The following ANO3 variants were observed in gnomAD, a reference collection of about 807,000 sequenced individuals.
The protein encoded by ANO3 is anoctamin 3.
A neutral mutation model predicts 144.8 loss-of-function variants in ANO3; 99 were observed. The ratio of observed to expected loss-of-function variants is 0.68; its 90% CI spans 0.58 to 0.81. The LOEUF (loss-of-function observed/expected upper bound fraction) is 0.81, where lower values mean the gene tolerates loss of function less well. ANO3 is among the 30% of genes least tolerant of loss of function. The pLI, the probability that ANO3 is intolerant of heterozygous loss-of-function variation, is 0.00. For missense variants in ANO3, 905 were observed against 1,202.2 expected (o/e 0.75, Z 3.66); for synonymous variants, 414 against 392.6 (o/e 1.05, Z -0.64).
chr11:26,655,220 C>CATCAG, intron 24 of ANO3, among the ~76,000 whole-genome samples: 1 of 152,270 alleles, frequency 6.6e-6, no homozygotes, highest in South Asian at 2.1e-4. Context: ...GGCTTCTGTA[C>CATCAG]CTTCCCATCT....
intron 1 of ANO3, among the ~76,000 whole-genome samples, chr11:26,251,700 G>A (rs1041097461): frequency 1.3e-5 from 2 of 152,158 alleles, no homozygotes; most frequent in African/African-American, 4.8e-5. Flanking sequence ...TGGCTGGGGA[G>A]GCCTCAGGAA....
chr11:26,376,259 T>A (rs1173795877), intron 1 of ANO3, among the ~76,000 whole-genome samples: 2 of 152,146 alleles, frequency 1.3e-5, no homozygotes, highest in Non-Finnish European at 2.9e-5. Flanking sequence ...CTTTATGAAG[T>A]TGCTTTTAGT....
At chr11:26,384,679 A>G (rs1409658837) in intron 1 of ANO3, among the ~76,000 whole-genome samples, 1 of 152,186 alleles carries the variant, frequency 6.6e-6, no homozygotes. Context: ...CCTGTAATAT[A>G]ATGATATTGT....
chr11:26,211,671 G>C (rs766094177), intron 1 of ANO3, among the ~76,000 whole-genome samples: 10 of 152,138 alleles, frequency 6.6e-5, no homozygotes, highest in Non-Finnish European at 1.3e-4. Context: ...CAAGGATCTA[G>C]AACTAGAAAT....
At chr11:26,515,910 AACCTC>A (rs978059634) in intron 5 of ANO3, among the ~76,000 whole-genome samples, 2 of 151,980 alleles carry the variant, frequency 1.3e-5, no homozygotes, top group Admixed American at 6.6e-5. Context: ...ATGCTCTATG[AACCTC>A]AGATATTGTA....
intron 4 of ANO3, among the ~76,000 whole-genome samples, chr11:26,495,919 A>T (rs1860919236): frequency 6.6e-6 from 1 of 152,182 alleles, no homozygotes. Context: ...AATTTTCCTA[A>T]TTTCCATGTG....
chr11:26,194,282 G>A (rs1341995679), intron 1 of ANO3, among the ~76,000 whole-genome samples: 1 of 152,130 alleles, frequency 6.6e-6, no homozygotes, highest in Non-Finnish European at 1.5e-5. Flanking sequence ...ATCTGACAGT[G>A]TGTATAAAAT....
At chr11:26,536,822 A>C (rs2134195489) in intron 9 of ANO3, among the ~76,000 whole-genome samples, 1 of 152,200 alleles carries the variant, frequency 6.6e-6, no homozygotes, top group East Asian at 1.9e-4. Flanking sequence ...TACTGATATA[A>C]ATAATATTGC....
At chr11:26,328,474 A>G (rs1854948041), upstream of ANO3, among the ~76,000 whole-genome samples, 1 of 152,222 alleles carries the variant, frequency 6.6e-6, no homozygotes, top group Non-Finnish European at 1.5e-5. Context: ...CCAAAGAGGC[A>G]GAAACAGGAC....
intron 1 of ANO3, among the ~76,000 whole-genome samples, chr11:26,374,255 C>T (rs1416893858): frequency 6.6e-6 from 1 of 152,154 alleles, no homozygotes; most frequent in Non-Finnish European, 1.5e-5. Flanking sequence ...ATTTATGCAT[C>T]AAATATTATT....
intron 9 of ANO3, 83 bp from the exon 10 acceptor site, chr11:26,537,323 T>C: frequency 9.1e-7 from 1 of 1,101,208 alleles, no homozygotes; most frequent in Non-Finnish European, 1.4e-6. Flanking sequence ...AATCGATTCA[T>C]TGTTCCCCGT....
At chr11:26,315,069 A>G (rs1441744357) in intron 1 of ANO3, among the ~76,000 whole-genome samples, 2 of 151,546 alleles carry the variant, frequency 1.3e-5, no homozygotes, top group African/African-American at 4.8e-5. Flanking sequence ...TCTTTCCATA[A>G]ATCCTAGGTA....
At chr11:26,585,348 TC>T (rs1288252455) in intron 14 of ANO3, among the ~76,000 whole-genome samples, 1 of 152,148 alleles carries the variant, frequency 6.6e-6, no homozygotes, top group Non-Finnish European at 1.5e-5. Context: ...ATATAAGCCT[TC>T]CCCATACCTA....
upstream of ANO3, among the ~76,000 whole-genome samples, chr11:26,330,984 C>T (rs1855023244): frequency 6.6e-6 from 1 of 152,166 alleles, no homozygotes; most frequent in South Asian, 2.1e-4. Flanking sequence ...CTTACATCTT[C>T]CAGGAAGAAC....
chr11:26,501,977 C>A (rs1861214600), intron 4 of ANO3, among the ~76,000 whole-genome samples: 1 of 152,038 alleles, frequency 6.6e-6, no homozygotes, highest in Non-Finnish European at 1.5e-5. Context: ...CTTGTAACAA[C>A]TCATTAAGCT....
chr11:26,471,840 T>G (rs1217935607), intron 4 of ANO3, among the ~76,000 whole-genome samples: 1 of 151,882 alleles, frequency 6.6e-6, no homozygotes, highest in Non-Finnish European at 1.5e-5. Flanking sequence ...AAGTCAAAGG[T>G]GTTTTCTCTC....
chr11:26,355,642 C>T (rs1855762780), intron 1 of ANO3, among the ~76,000 whole-genome samples: 1 of 151,760 alleles, frequency 6.6e-6, no homozygotes. Context: ...TCACTGCAAC[C>T]TCCGCCTCCC....
intron 7 of ANO3, among the ~76,000 whole-genome samples, chr11:26,526,182 A>G (rs1041622828): frequency 6.6e-6 from 1 of 152,092 alleles, no homozygotes; most frequent in Admixed American, 6.6e-5. Context: ...TACCGCTCTT[A>G]TCCTAGTATT....
At chr11:26,557,818 T>C (rs1157812268) in intron 13 of ANO3, among the ~76,000 whole-genome samples, 1 of 152,160 alleles carries the variant, frequency 6.6e-6, no homozygotes, top group East Asian at 1.9e-4. Context: ...GCACCCTAAA[T>C]AAAGCCCTGA....
Sources: gnomAD v4.1 joint callset for allele counts (sites outside exome capture counted in the v4.1 genomes callset) on GRCh38, gnomAD v4.1.1 for gene constraint, MANE v1.5 for transcripts, NCBI Gene and HGNC (gene_info 2026-07-23, HGNC 2026-07-21) for gene names.